ITIH6: variants seen among roughly 807,000 people sequenced by gnomAD.
ITIH6 encodes the protein inter-alpha-trypsin inhibitor heavy chain family member 6, also known as inter-alpha-trypsin inhibitor heavy chain H6.
A neutral mutation model predicts 58.2 loss-of-function variants in ITIH6; 60 were observed. The observed-to-expected ratio is 1.03, with a 90% CI of 0.84 to 1.28. ITIH6 has a LOEUF of 1.28. Among genes scored for constraint, ITIH6 ranks in the 50% most tolerant of loss-of-function variants. The probability of loss-of-function intolerance (pLI) is 0.00; values close to 1 mark genes in which losing one functional copy is unlikely to be tolerated. For synonymous variants in ITIH6, 493 were observed against 417.4 expected (o/e 1.18, Z -2.21); for missense variants, 1,290 against 1,021.1 (o/e 1.26, Z -3.59).
intron 5 of ITIH6, among the ~76,000 whole-genome samples, chrX:54,784,038 C>G (rs1262402310): frequency 3.6e-5 from 4 of 111,648 alleles, no homozygotes; most frequent in Non-Finnish European, 5.6e-5. Context: ...ATACACTAAT[C>G]TATAGTGAAA....
chrX:54,776,467 C>T (rs975286448), intron 5 of ITIH6, among the ~76,000 whole-genome samples: 2 of 110,167 alleles, frequency 1.8e-5, no homozygotes, highest in Admixed American at 9.7e-5. Flanking sequence ...GCTAGGGCAG[C>T]TAAGTGAGTG....
At chrX:54,778,049 A>G (rs1929083469) in intron 5 of ITIH6, among the ~76,000 whole-genome samples, 1 of 112,021 alleles carries the variant, frequency 8.9e-6, no homozygotes, top group Non-Finnish European at 1.9e-5. Flanking sequence ...AGGAAACTCA[A>G]AGAAATTTGA....
At chrX:54,788,700 C>A (rs1198146237) in intron 4 of ITIH6, 51 bp from the exon 5 acceptor site, 1 of 1,029,457 alleles carries the variant, frequency 9.7e-7, no homozygotes. Context: ...ACTCGCAAGA[C>A]AGAAGAACCA....
At position 54,757,454 on chromosome X, in the gene ITIH6, G is replaced by C; in HGVS notation, c.2620C>G (p.Pro874Ala). The C allele has an allele frequency of 2.5e-6, 3 of 1,210,901 alleles. No homozygotes were observed. The highest frequency in any genetic ancestry group is 3.4e-6 in the Non-Finnish European group (3 of 894,949). The stretch of plus-strand genomic sequence containing the variant: ...GGCATATGGGGGTTTGGGGTCTCAG[G>C]CTTGGAAAGTGATATGCTTGTGGAA... Reference protein sequence around the residue: ...QISTSISLSKPETPNPHMPQT... With the variant: ...QISTSISLSKAETPNPHMPQT... Residue 874 changes from proline to alanine, a missense_variant, in exon 8 of 13, where the codon CCT becomes GCT. Transcript: ENST00000218436.
intron 6 of ITIH6, among the ~76,000 whole-genome samples, chrX:54,772,582 G>A (rs1928975688): frequency 8.9e-6 from 1 of 112,487 alleles, no homozygotes; most frequent in South Asian, 3.7e-4. Flanking sequence ...GTCTGGCTGT[G>A]ATGTTTGTTT....
rs1928970986 is a variant in ITIH6 at position 54,772,423 on chromosome X, A to C, written c.903+1658T>G. ...CTGTGCTTATTACCTGGGTGACAAA[A>C]TAATCTGTACACCAAAAACCTGCAA... On this transcript the variant is annotated intron_variant, in intron 6 of 12. Coordinates refer to ENST00000218436, the MANE Select transcript of ITIH6 (RefSeq NM_198510.3). Among the ~76,000 whole-genome samples the C allele has an allele frequency of 2.7e-5, 3 of 112,374 alleles. No individual in the cohort carries two copies. In the South Asian group the frequency reaches 1.1e-3, roughly 42 times the overall value.
At chrX:54,784,137 C>T (rs1414610158) in intron 5 of ITIH6, among the ~76,000 whole-genome samples, 1 of 111,793 alleles carries the variant, frequency 8.9e-6, no homozygotes, top group South Asian at 3.7e-4. Context: ...TATCCATATG[C>T]AGAATAATGA....
chrX:54,798,242 C>G lies in ITIH6; in HGVS notation c.-32G>C. 1.0e-6 allele frequency: 1 copy of G among 990,398 alleles called. No homozygotes were observed. Among genetic ancestry groups the G allele is most frequent in the Non-Finnish European group, 1.4e-6 (1 of 712,824 alleles). The allele number at this position is 990,398 out of a possible 1,213,427, so 81.6% of individuals were successfully genotyped here. A position where few individuals can be genotyped will look rare whatever the true frequency, so the allele number is the denominator to read the frequency against. ...ACCTCTGGCCTGGATCTGTTGTTCA[C>G]ATCCAGAAGATCTGAGCCCGATCTC... On this transcript the variant is annotated 5_prime_UTR_variant, in exon 1 of 13. It removes an upstream start codon present in the reference 5' UTR. Coordinates refer to ENST00000218436, the MANE Select transcript of ITIH6 (RefSeq NM_198510.3).
chrX:54,756,767 A>G (rs1928493744), intron 8 of ITIH6, among the ~76,000 whole-genome samples, 198 bp downstream of exon 8: 1 of 111,376 alleles, frequency 9.0e-6, no homozygotes, highest in South Asian at 3.8e-4. Flanking sequence ...CCATGCATGT[A>G]TACTGAGGCC....
At chrX:54,759,695 T>A in intron 7 of ITIH6, 61 bp downstream of exon 7, 2 of 963,815 alleles carry the variant, frequency 2.1e-6, no homozygotes, top group Non-Finnish European at 2.8e-6. Flanking sequence ...GAAGAGAGGG[T>A]TTCAGGAATT....
At chrX:54,766,338 G>C (rs1166350279) in intron 6 of ITIH6, among the ~76,000 whole-genome samples, 1 of 85,588 alleles carries the variant, frequency 1.2e-5, no homozygotes, top group East Asian at 3.7e-4. Context: ...CTGCAAACAG[G>C]GACAATTTGA....
chrX:54,776,028 A>G (rs963516488), intron 5 of ITIH6, among the ~76,000 whole-genome samples: 1 of 111,512 alleles, frequency 9.0e-6, no homozygotes, highest in Non-Finnish European at 1.9e-5. Flanking sequence ...TGGTAGAAAG[A>G]ACAGTCTTGA....
chrX:54,750,860 C>T, intron 12 of ITIH6, 143 bp downstream of exon 12: 3 of 613,188 alleles, frequency 4.9e-6, no homozygotes, highest in Non-Finnish European at 7.3e-6. Context: ...TGGGTCTGTC[C>T]TCTCCCAAGA....
chrX:54,755,056 T>G lies in ITIH6; in HGVS notation c.3163A>C (p.Ser1055Arg), dbSNP rs377010166. 1.7e-6 allele frequency: 2 copies of G among 1,211,362 alleles called. No homozygotes were observed. The change falls in exon 9 of 13, where the codon AGC becomes CGC. Residue 1055 changes from serine (S) to arginine (R), a missense_variant. Ser to Arg is a moderately radical substitution (Grantham distance 110). Transcript: ENST00000218436. Reference protein sequence around the residue: ...SEEILGGAGGSMESQGSSVGL... With the variant: ...SEEILGGAGGRMESQGSSVGL... Reference sequence around the variant, plus strand: ...ACAGAACTTCCTTGAGATTCCATGCTGCCTCCAGCTCCTCCCAGGATCTCC... The same window carrying G: ...ACAGAACTTCCTTGAGATTCCATGCGGCCTCCAGCTCCTCCCAGGATCTCC...
chrX:54,791,106 G>C, intron 3 of ITIH6, 22 bp from the exon 4 acceptor site: 1 of 1,207,323 alleles, frequency 8.3e-7, no homozygotes, highest in South Asian at 1.8e-5. Flanking sequence ...AGGGAGGATG[G>C]TGGGAAGAGA....
At position 54,753,957 on chromosome X, in the gene ITIH6, G is replaced by A; in HGVS notation, c.3211C>T (p.Pro1071Ser). 3 of 1,209,432 alleles carry A rather than the reference G, an allele frequency of 2.5e-6. No homozygotes were observed. The highest frequency in any genetic ancestry group is 3.5e-5 in the South Asian group (2 of 56,746). ...GAGGAGGAGAAGGTGAAGATGCTAG[G>A]CAATGTGCCTGCAAAGGAGAGAGAG... ...SSVGLAKGTLPSIFTFSSSVD... is the reference protein window; with the variant it reads ...SSVGLAKGTLSSIFTFSSSVD... The change falls in exon 10 of 13, where the codon CCT (proline) becomes TCT (serine). Residue 1071 changes from proline (P) to serine (S), a missense_variant. Transcript: ENST00000218436.
chrX:54,782,853 T>C lies in ITIH6; in HGVS notation c.786+5627A>G, dbSNP rs1241650731. Reference sequence around the variant, plus strand: ...CCAAACTCATTCTACATGGTCAGTATTGCCCTGATACCAAAACCAGACAAA... The same window carrying C: ...CCAAACTCATTCTACATGGTCAGTACTGCCCTGATACCAAAACCAGACAAA... On this transcript the variant is annotated intron_variant, in intron 5 of 12. Coordinates refer to ENST00000218436, the MANE Select transcript of ITIH6 (RefSeq NM_198510.3). Among the ~76,000 whole-genome samples, 3 of 112,174 alleles carry C rather than the reference T, an allele frequency of 2.7e-5. No homozygotes were observed. In the Admixed American group the frequency reaches 2.8e-4, roughly 11 times the overall value.
intron 6 of ITIH6, among the ~76,000 whole-genome samples, chrX:54,773,142 C>T (rs189613758): frequency 8.1e-5 from 9 of 111,589 alleles, no homozygotes; most frequent in East Asian, 2.8e-4. Context: ...CCGTTATTGC[C>T]GAGGAGCCCA....
chrX:54,772,262 C>T lies in ITIH6; in HGVS notation c.903+1819G>A, dbSNP rs192247333. Reference sequence around the variant, plus strand: ...TTAATGCAAGAGCAGAAAACCAATGCTACATATTCTCACTTATCAGTGGGA... The same window carrying T: ...TTAATGCAAGAGCAGAAAACCAATGTTACATATTCTCACTTATCAGTGGGA... On this transcript the variant is annotated intron_variant, in intron 6 of 12. Coordinates refer to ENST00000218436, the MANE Select transcript of ITIH6 (RefSeq NM_198510.3). 8.4e-4 allele frequency among the ~76,000 whole-genome samples: 94 copies of T among 112,461 alleles called. No homozygotes were observed. In the South Asian group the frequency reaches 0.034, roughly 40 times the overall value.
Sources: allele counts gnomAD v4.1 joint callset (sites outside exome capture counted in the v4.1 genomes callset), GRCh38; gene constraint gnomAD v4.1.1; transcripts MANE v1.5; gene names NCBI Gene and HGNC (gene_info 2026-07-23, HGNC 2026-07-21).